Variants in NTRK3 observed in about 807,000 individuals in gnomAD.
NTRK3 encodes the protein NT-3 growth factor receptor.
A neutral mutation model predicts 91.7 loss-of-function variants in NTRK3; 24 were observed. That is an observed-to-expected ratio of 0.26 (90% CI 0.19 to 0.37). The LOEUF (loss-of-function observed/expected upper bound fraction) is 0.37, where lower values mean the gene tolerates loss of function less well. Among genes scored for constraint, NTRK3 ranks in the 10% least tolerant of loss-of-function variants. The pLI is 1.00. For missense variants in NTRK3, 880 were observed against 1,068.9 expected, an observed-to-expected ratio of 0.82 and a Z score of 2.46; for synonymous variants, 483 against 404.0, an observed-to-expected ratio of 1.20 and a Z score of -2.34.
chr15:87,966,590 C>T (rs970228100), intron 14 of NTRK3, among the ~76,000 whole-genome samples: 1 of 152,220 alleles, frequency 6.6e-6, no homozygotes, highest in East Asian at 1.9e-4. Flanking sequence ...CACAGTAATC[C>T]TTTGGCCAAC....
intron 5 of NTRK3, among the ~76,000 whole-genome samples, chr15:88,168,090 C>T (rs145244009): frequency 6.6e-5 from 10 of 152,272 alleles, no homozygotes; most frequent in Non-Finnish European, 1.0e-4. Context: ...CCAGTTCTGA[C>T]TGATACAAAA....
chr15:88,094,542 C>A (rs559276342), intron 13 of NTRK3, among the ~76,000 whole-genome samples: 43 of 149,980 alleles, frequency 2.9e-4, no homozygotes, highest in African/African-American at 1.0e-3. Flanking sequence ...CCAAAGCAGA[C>A]CCCTCCCACC....
intron 14 of NTRK3, among the ~76,000 whole-genome samples, chr15:87,959,962 C>T (rs1567155162): frequency 6.6e-6 from 1 of 152,220 alleles, no homozygotes; most frequent in Non-Finnish European, 1.5e-5. Flanking sequence ...AGGAGGTTGC[C>T]TGCTGCCTTT....
intron 13 of NTRK3, among the ~76,000 whole-genome samples, chr15:88,070,656 C>T (rs957100168): frequency 5.9e-5 from 9 of 152,144 alleles, no homozygotes; most frequent in African/African-American, 2.2e-4. Flanking sequence ...CTCCCCTCCA[C>T]CCACTCCCCC....
chr15:88,148,488 G>C lies in NTRK3; in HGVS notation c.396-1085C>G, dbSNP rs1002199387. ...TCTGAGAAGGTAGCATCAGGCCTGA[G>C]CCAAGAAGAAGAAAGAGCTGAGTAC... On this transcript the variant is annotated intron_variant, in intron 5 of 18. Transcript: ENST00000394480. Among the ~76,000 whole-genome samples the C allele has an allele frequency of 9.9e-5, 15 of 152,160 alleles. No individual in the cohort carries two copies. In the South Asian group the frequency reaches 2.3e-3, roughly 23 times the overall value.
At chr15:87,863,945 A>G in exon 19 of NTRK3, 1 of 231,264 alleles carries the variant, frequency 4.3e-6, no homozygotes, top group Non-Finnish European at 8.5e-6. Context: ...ACTACATTCT[A>G]TCTGCCTTTA....
intron 6 of NTRK3, among the ~76,000 whole-genome samples, chr15:88,140,562 A>ATATC (rs1028899235): frequency 1.3e-5 from 2 of 152,252 alleles, no homozygotes; most frequent in Admixed American, 1.3e-4. Flanking sequence ...TATGTGAGTC[A>ATATC]TATCTATCAG....
chr15:87,886,676 CTATA>C (rs35011403), intron 17 of NTRK3, among the ~76,000 whole-genome samples: 3,626 of 101,214 alleles, frequency 0.036, 276 homozygotes, highest in African/African-American at 0.14. Flanking sequence ...CCACTTTTTG[CTATA>C]TATATATATA....
At chr15:87,904,179 T>C (rs1431397435) in intron 17 of NTRK3, among the ~76,000 whole-genome samples, 1 of 141,590 alleles carries the variant, frequency 7.1e-6, no homozygotes, top group African/African-American at 2.7e-5. Context: ...TGAGACGGAG[T>C]CTTGCCCTGT....
chr15:88,239,796 T>C (rs978576024), intron 3 of NTRK3, among the ~76,000 whole-genome samples: 5 of 152,030 alleles, frequency 3.3e-5, no homozygotes, highest in African/African-American at 1.2e-4. Flanking sequence ...TTATGCAGAA[T>C]ACCACCCCGC....
intron 14 of NTRK3, among the ~76,000 whole-genome samples, chr15:87,951,581 A>G (rs1325067769): frequency 6.6e-6 from 1 of 152,148 alleles, no homozygotes; most frequent in Non-Finnish European, 1.5e-5. Flanking sequence ...GAACTTACTG[A>G]TGGAAAGGAT....
intron 14 of NTRK3, among the ~76,000 whole-genome samples, chr15:87,996,363 A>C (rs1370577149): frequency 6.6e-6 from 1 of 152,174 alleles, no homozygotes; most frequent in Non-Finnish European, 1.5e-5. Context: ...CGGTGACAGT[A>C]CCATCCTGGA....
chr15:88,192,044 C>T (rs2047445384), intron 3 of NTRK3, among the ~76,000 whole-genome samples: 1 of 152,224 alleles, frequency 6.6e-6, no homozygotes, highest in Non-Finnish European at 1.5e-5. Context: ...GCATCTGGGG[C>T]CACCCCTGGG....
chr15:87,920,536 C>G (rs1166170995), intron 17 of NTRK3, among the ~76,000 whole-genome samples: 2 of 152,204 alleles, frequency 1.3e-5, no homozygotes, highest in African/African-American at 4.8e-5. Flanking sequence ...CCATACCTTC[C>G]TCTAGACTCC....
intron 17 of NTRK3, among the ~76,000 whole-genome samples, chr15:87,888,191 T>C (rs2065655357): frequency 6.6e-6 from 1 of 152,124 alleles, no homozygotes; most frequent in Admixed American, 6.6e-5. Flanking sequence ...TTTGGGAGGC[T>C]GAAAGTGCTC....
At chr15:87,914,659 T>C (rs997422199) in intron 17 of NTRK3, among the ~76,000 whole-genome samples, 3 of 152,204 alleles carry the variant, frequency 2.0e-5, no homozygotes, top group African/African-American at 7.2e-5. Context: ...GGAACAAACA[T>C]GTACCCAAGT....
rs191414362 is a variant in NTRK3 at position 88,239,571 on chromosome 15, G to C, written c.248+16335C>G. Among the ~76,000 whole-genome samples the C allele has an allele frequency of 7.4e-4, 113 of 152,272 alleles. 2 individuals are homozygous for C. The East Asian group carries it at 0.018, about 25-fold the overall frequency. On this transcript the variant is annotated intron_variant, in intron 3 of 18. Transcript: ENST00000394480. ...GCAGGTCAAGGCAGGTTCAGGTCAA[G>C]TCCAGCCCTTAGGGAAAGGTCAGCA... is the stretch of plus-strand genomic sequence containing the variant.
At chr15:87,906,683 A>C (rs1026960166) in intron 17 of NTRK3, among the ~76,000 whole-genome samples, 2 of 152,138 alleles carry the variant, frequency 1.3e-5, no homozygotes, top group Admixed American at 6.5e-5. Flanking sequence ...AAACTAAATA[A>C]ACTAAAATAT....
At chr15:88,049,061 T>C (rs2080541997) in intron 13 of NTRK3, among the ~76,000 whole-genome samples, 1 of 152,122 alleles carries the variant, frequency 6.6e-6, no homozygotes, top group South Asian at 2.1e-4. Context: ...TCTGGTGAGG[T>C]GTGTAGAAAT....
Sources: allele counts gnomAD v4.1 joint callset (sites outside exome capture counted in the v4.1 genomes callset), GRCh38; gene constraint gnomAD v4.1.1; transcripts MANE v1.5; gene names NCBI Gene and HGNC (gene_info 2026-07-23, HGNC 2026-07-21).